HOPX: variants seen among roughly 807,000 people sequenced by gnomAD.
HOPX encodes the protein HOP homeobox.
Under a neutral mutation model 11.8 loss-of-function variants are expected in HOPX, and 5 were observed. The observed-to-expected ratio is 0.43, with a 90% CI of 0.22 to 0.89. The LOEUF is 0.89. Among genes scored for constraint, HOPX ranks in the 40% least tolerant of loss-of-function variants. The pLI is 0.28. For missense variants in HOPX, 119 were observed against 120.0 expected (o/e 0.99, Z 0.04); for synonymous variants, 49 against 49.7 (o/e 0.99, Z 0.06).
intron 1 of HOPX, 88 bp from the exon 2 acceptor site, chr4:56,657,987 CACCA>C: frequency 7.9e-7 from 1 of 1,264,818 alleles, no homozygotes; most frequent in Non-Finnish European, 1.1e-6. Flanking sequence ...CCTAGTAGGA[CACCA>C]ATTCTAGCCA....
rs904341305 is a variant in HOPX, at chr4:56,671,111, C to T, written c.-84+10144G>A. Among the ~76,000 whole-genome samples the T allele has an allele frequency of 2.6e-5, 4 of 152,066 alleles. No homozygotes were observed. In the South Asian group the frequency reaches 6.2e-4, roughly 24 times the overall value. On this transcript the variant is annotated intron_variant, in intron 1 of 3. Transcript: ENST00000420433. ...GTTCTTTCTAAAAATGTTCTCATTC[C>T]TAATGCCTGACTCTGAAAAGAGCTG...
At chr4:56,653,031 A>G (rs1362585313) in intron 3 of HOPX, among the ~76,000 whole-genome samples, 1 of 152,022 alleles carries the variant, frequency 6.6e-6, no homozygotes, top group African/African-American at 2.4e-5. Flanking sequence ...TAATATTTTT[A>G]TTTTTATTTA....
At chr4:56,655,812 G>C in intron 3 of HOPX, 45 bp downstream of exon 3, 1 of 498,400 alleles carries the variant, frequency 2.0e-6, no homozygotes, top group Non-Finnish European at 2.9e-6. Context: ...AGAAGGCTCA[G>C]CCCAGGCAGG....
intron 3 of HOPX, chr4:56,650,576 A>T: frequency 8.1e-7 from 1 of 1,242,108 alleles, no homozygotes; most frequent in Non-Finnish European, 1.1e-6. Context: ...GCTCCACATC[A>T]ATGCTAAGCA....
chr4:56,681,592 G>A (rs556319570), upstream of HOPX: 9 of 1,000,092 alleles, frequency 9.0e-6, no homozygotes, highest in Admixed American at 6.1e-5. Flanking sequence ...TAAGAGAGAT[G>A]TGGCTGAGAG....
At chr4:56,665,581 T>C (rs1052537801) in intron 1 of HOPX, 3 of 152,222 alleles carry the variant, frequency 2.0e-5, no homozygotes, top group Admixed American at 6.5e-5. Flanking sequence ...TTGATTCCTA[T>C]TGCTGAATCA....
intron 3 of HOPX, among the ~76,000 whole-genome samples, chr4:56,654,537 A>C (rs1717496181): frequency 6.6e-6 from 1 of 152,210 alleles, no homozygotes; most frequent in Non-Finnish European, 1.5e-5. Flanking sequence ...GAGCTGTTAG[A>C]CTTGGGTTAC....
chr4:56,656,484 GCCGGCCT>G (rs6148453), intron 2 of HOPX: 460,348 of 972,772 alleles, frequency 0.47, 111,841 homozygotes, highest in African/African-American at 0.65. Context: ...TCCGCGACTA[GCCGGCCT>G]CCGGCCTCCC....
At chr4:56,650,488 AC>A (rs2109452213) in intron 3 of HOPX, 2 of 564,478 alleles carry the variant, frequency 3.5e-6, no homozygotes, top group South Asian at 4.6e-5. Flanking sequence ...TGTGAGAATC[AC>A]AGGGGGAGAA....
chr4:56,650,610 CTA>C, intron 3 of HOPX: 1 of 1,495,466 alleles, frequency 6.7e-7, no homozygotes, highest in Non-Finnish European at 9.1e-7. Flanking sequence ...GGGAACACAC[CTA>C]CACCTCACCC....
At chr4:56,664,290 C>G (rs1232137720) in intron 1 of HOPX, 1 of 151,188 alleles carries the variant, frequency 6.6e-6, no homozygotes, top group African/African-American at 2.4e-5. Flanking sequence ...GCTACCATGC[C>G]TGGCTAATTT....
intron 1 of HOPX, chr4:56,664,297 A>AT (rs35695887): frequency 0.033 from 4,567 of 138,012 alleles, 87 homozygotes; most frequent in Non-Finnish European, 0.039. Context: ...TGCCTGGCTA[A>AT]TTTTTTTTTT....
chr4:56,681,481 T>C, upstream of HOPX: 1 of 995,212 alleles, frequency 1.0e-6, no homozygotes, highest in Non-Finnish European at 1.2e-6. Context: ...AGGTTTGATG[T>C]TCAGGCTGGG....
chr4:56,676,589 G>A (rs140226320), intron 1 of HOPX: 1 of 151,112 alleles, frequency 6.6e-6, no homozygotes, highest in Admixed American at 6.6e-5. Context: ...AAAAAGCACA[G>A]GAAAAAGCAT....
chr4:56,657,993 T>G, intron 1 of HOPX, 94 bp from the exon 2 acceptor site: 3 of 1,212,246 alleles, frequency 2.5e-6, no homozygotes, highest in Non-Finnish European at 2.2e-6. Context: ...AGGACACCAA[T>G]TCTAGCCAAA....
In HOPX at chr4:56,675,342, A is replaced by G. The variant is rs142611804; in HGVS notation, c.-84+5913T>C. On this transcript the variant is annotated intron_variant, in intron 1 of 3. Transcript: ENST00000420433. ...GCAAGTCACTTTATGCTGTTGCATA[A>G]AGTAGATTGTACTCATAGGTAACCA... 7.9e-5 allele frequency among the ~76,000 whole-genome samples: 12 copies of G among 151,728 alleles called. 1 individual carries two copies. Among genetic ancestry groups the G allele is most frequent in the African/African-American group, 2.9e-4 (12 of 41,024 alleles).
At chr4:56,652,783 G>T (rs1250388817) in intron 3 of HOPX, among the ~76,000 whole-genome samples, 1 of 151,986 alleles carries the variant, frequency 6.6e-6, no homozygotes, top group South Asian at 2.1e-4. Flanking sequence ...TCGTGCCACT[G>T]TACTCCAGCC....
intron 3 of HOPX, among the ~76,000 whole-genome samples, chr4:56,653,668 A>AG (rs1379221961): frequency 1.3e-5 from 2 of 152,158 alleles, no homozygotes; most frequent in African/African-American, 4.8e-5. Flanking sequence ...GGGAGGAAGA[A>AG]GGTGTTGGTC....
At chr4:56,668,645 C>T (rs774335353) in intron 1 of HOPX, among the ~76,000 whole-genome samples, 11 of 152,128 alleles carry the variant, frequency 7.2e-5, no homozygotes, top group Non-Finnish European at 1.0e-4. Flanking sequence ...TTGAAATTGC[C>T]GGTCTGAGCC....
Sources: allele counts gnomAD v4.1 joint callset (sites outside exome capture counted in the v4.1 genomes callset), GRCh38; gene constraint gnomAD v4.1.1; transcripts MANE v1.5; gene names NCBI Gene and HGNC (gene_info 2026-07-23, HGNC 2026-07-21).